Variants in LRRC4B observed in about 807,000 individuals in gnomAD.
LRRC4B encodes the protein leucine-rich repeat-containing protein 4B.
In LRRC4B, 1 loss-of-function variant was observed where a neutral mutation model predicts 7.3. The observed-to-expected ratio is 0.14, with a 90% CI of 0.05 to 0.65. The LOEUF (loss-of-function observed/expected upper bound fraction) is 0.65, where lower values mean the gene tolerates loss of function less well. LRRC4B is among the 30% of genes least tolerant of loss of function. LRRC4B has a pLI of 0.84. For synonymous variants in LRRC4B, 500 were observed against 499.2 expected, an observed-to-expected ratio of 1.00 and a Z score of -0.02; for missense variants, 730 against 1,041.6, an observed-to-expected ratio of 0.70 and a Z score of 4.12.
intron 2 of LRRC4B, among the ~76,000 whole-genome samples, chr19:50,535,019 C>CA (rs1377740459): frequency 6.6e-6 from 1 of 151,730 alleles, no homozygotes; most frequent in African/African-American, 2.4e-5. Context: ...CAGGCGCCTG[C>CA]CACCACACCC....
intron 2 of LRRC4B, among the ~76,000 whole-genome samples, chr19:50,522,810 G>A (rs976939812): frequency 3.3e-5 from 5 of 152,286 alleles, no homozygotes; most frequent in Non-Finnish European, 5.9e-5. Context: ...GATCCCACTC[G>A]TGACTATCCA....
intron 2 of LRRC4B, among the ~76,000 whole-genome samples, chr19:50,523,118 G>A (rs978897693): frequency 2.6e-5 from 4 of 152,220 alleles, no homozygotes; most frequent in African/African-American, 9.6e-5. Flanking sequence ...GAGGGGCAGT[G>A]CTGGGTCAGA....
intron 1 of LRRC4B, among the ~76,000 whole-genome samples, chr19:50,567,692 G>A (rs1228725730): frequency 1.3e-5 from 1 of 78,296 alleles, no homozygotes; most frequent in African/African-American, 5.5e-5. Flanking sequence ...CCCACAACCT[G>A]TCCCCAGGCA....
At chr19:50,552,631 T>C (rs1452102468) in intron 1 of LRRC4B, among the ~76,000 whole-genome samples, 4,935 of 106,610 alleles carry the variant, frequency 0.046, 326 homozygotes, top group African/African-American at 0.14. Context: ...CATCCATTCA[T>C]CCATCCGCCC....
At chr19:50,520,186 A>G (rs1980492593) in intron 2 of LRRC4B, among the ~76,000 whole-genome samples, 1 of 120,854 alleles carries the variant, frequency 8.3e-6, no homozygotes, top group South Asian at 3.0e-4. Context: ...AGCCTGGGCA[A>G]TGAAGTAATA....
chr19:50,547,834 GTCA>G lies in LRRC4B; in HGVS notation c.297+705_297+707del, dbSNP rs373837776. ...TCGCTTACGGCCTATCCTAATCAGA[GTCA>G]TCATTAATTGAGTGGCAGCTGCCCC... is the stretch of plus-strand genomic sequence containing the variant. On this transcript the variant is annotated intron_variant, in intron 2 of 2. Transcript: ENST00000652263. Among the ~76,000 whole-genome samples the G allele has an allele frequency of 3.6e-4, 54 of 151,812 alleles. 2 individuals carry two copies. In the East Asian group the frequency reaches 0.01, roughly 28 times the overall value.
intron 2 of LRRC4B, among the ~76,000 whole-genome samples, chr19:50,543,852 C>CAAAAA (rs36044151): frequency 4.5e-4 from 37 of 83,120 alleles, no homozygotes; most frequent in Non-Finnish European, 6.1e-4. Context: ...GCCTCCATCT[C>CAAAAA]AAAAAAAAAA....
intron 1 of LRRC4B, among the ~76,000 whole-genome samples, chr19:50,565,040 G>A (rs929034487): frequency 1.3e-5 from 2 of 152,190 alleles, no homozygotes; most frequent in Non-Finnish European, 2.9e-5. Context: ...CCTCTCGGAC[G>A]GCGAGGAGGT....
chr19:50,544,653 T>C (rs1404878834), intron 2 of LRRC4B, among the ~76,000 whole-genome samples: 2 of 152,220 alleles, frequency 1.3e-5, no homozygotes, highest in East Asian at 3.8e-4. Context: ...GAAGGAGAGC[T>C]ACCCATGGCT....
At chr19:50,567,347 G>A (rs1474521888) in intron 1 of LRRC4B, among the ~76,000 whole-genome samples, 2 of 151,744 alleles carry the variant, frequency 1.3e-5, no homozygotes, top group Non-Finnish European at 2.9e-5. Flanking sequence ...CTGAAGACTG[G>A]GGAGGGGGTT....
intron 1 of LRRC4B, among the ~76,000 whole-genome samples, chr19:50,562,317 C>T (rs1228348659): frequency 6.6e-6 from 1 of 152,108 alleles, no homozygotes; most frequent in South Asian, 2.1e-4. Flanking sequence ...ACCCACCTCT[C>T]TGGGCCTCAG....
intron 2 of LRRC4B, among the ~76,000 whole-genome samples, chr19:50,541,427 A>G (rs896309301): frequency 1.3e-5 from 2 of 151,524 alleles, no homozygotes; most frequent in African/African-American, 4.9e-5. Context: ...TGCCAAAACC[A>G]TCTCCTCGAC....
chr19:50,550,313 C>T (rs546764599), intron 1 of LRRC4B, among the ~76,000 whole-genome samples: 4 of 152,220 alleles, frequency 2.6e-5, no homozygotes, highest in African/African-American at 9.6e-5. Flanking sequence ...CACAAATACA[C>T]CCACACCAGC....
intron 1 of LRRC4B, among the ~76,000 whole-genome samples, chr19:50,561,803 A>G (rs1055319366): frequency 2.6e-5 from 4 of 151,856 alleles, no homozygotes; most frequent in African/African-American, 9.7e-5. Context: ...TGTGATTATT[A>G]ACAATTTTAT....
chr19:50,517,282 A>C lies in LRRC4B; in HGVS notation c.*289T>G. ...CGGAACGCTTGGTGGGAGAGCGAGG[A>C]GGAAACGCGGAGAACTCAGGCCACT... is the stretch of plus-strand genomic sequence containing the variant. On this transcript the variant is annotated 3_prime_UTR_variant, in exon 3 of 3. Coordinates refer to ENST00000652263, the MANE Select transcript of LRRC4B (RefSeq NM_001080457.2). The surrounding 1 kb of genome is among the most constrained non-coding windows in gnomAD (Gnocchi z 6.6). The C allele has an allele frequency of 3.7e-6, 1 of 269,526 alleles. No homozygotes were observed. The allele number at this position is 269,526 out of a possible 1,614,324, so 16.7% of individuals were successfully genotyped here.
intron 2 of LRRC4B, among the ~76,000 whole-genome samples, chr19:50,546,876 C>A (rs778962107): frequency 6.6e-6 from 1 of 152,190 alleles, no homozygotes; most frequent in Non-Finnish European, 1.5e-5. Flanking sequence ...GTTTCCCTGG[C>A]GTGCCGTCCC....
intron 2 of LRRC4B, among the ~76,000 whole-genome samples, chr19:50,535,508 A>T (rs1252584043): frequency 6.6e-6 from 1 of 152,230 alleles, no homozygotes; most frequent in African/African-American, 2.4e-5. Context: ...TCAATCACAA[A>T]AGTTTAGCAA....
rs915396069 is a variant in LRRC4B at position 50,543,381 on chromosome 19, G to A, written c.297+5161C>T. Reference sequence around the variant, plus strand: ...GTGTGTGTGTGTCTCTGTGTGTAAGGGAGAAGTACACTCAAATGAGGAAGC... The same window carrying A: ...GTGTGTGTGTGTCTCTGTGTGTAAGAGAGAAGTACACTCAAATGAGGAAGC... On this transcript the variant is annotated intron_variant, in intron 2 of 2. Coordinates refer to ENST00000652263, the MANE Select transcript of LRRC4B (RefSeq NM_001080457.2). Among the ~76,000 whole-genome samples, 5 of 124,634 alleles carry A rather than the reference G, an allele frequency of 4.0e-5. No individual in the cohort carries two copies. In the Admixed American group the frequency reaches 4.3e-4, roughly 11 times the overall value. The allele number at this position is 124,634 out of a possible 152,430, so 81.8% of individuals were successfully genotyped here. A position where few individuals can be genotyped will look rare whatever the true frequency, so the allele number is the denominator to read the frequency against.
At position 50,522,459 on chromosome 19, in the gene LRRC4B, A is replaced by ATTATTTATTTATTTAT. The variant is rs71332009; in HGVS notation, c.298-3060_298-3045dup. ...GAACTCATGTGAAGCTATTTTATTT[A>ATTATTTATTTATTTAT]TTATTTATTTATTTATTTATTTATT... is the stretch of plus-strand genomic sequence containing the variant. On this transcript the variant is annotated intron_variant, in intron 2 of 2. Transcript: ENST00000652263. 9.7e-3 allele frequency among the ~76,000 whole-genome samples: 1,432 copies of ATTATTTATTTATTTAT among 147,172 alleles called. 10 individuals carry two copies. The highest frequency in any genetic ancestry group is 0.017 in the Middle Eastern group (5 of 290).
Sources: allele counts gnomAD v4.1 joint callset (sites outside exome capture counted in the v4.1 genomes callset), GRCh38; gene constraint gnomAD v4.1.1; non-coding constraint Gnocchi (gnomAD v3.1); transcripts MANE v1.5; gene names NCBI Gene and HGNC (gene_info 2026-07-23, HGNC 2026-07-21).